Variants in TAFA1 observed in about 807,000 individuals in gnomAD.
The protein encoded by TAFA1 is chemokine-like protein TAFA-1.
A neutral mutation model predicts 18.5 loss-of-function variants in TAFA1; 4 were observed. That is an observed-to-expected ratio of 0.22 (90% CI 0.11 to 0.49). The LOEUF (loss-of-function observed/expected upper bound fraction) is 0.49, where lower values mean the gene tolerates loss of function less well. Ranked by LOEUF, TAFA1 falls within the 20% of genes least tolerant of loss-of-function variation. The pLI, the probability that TAFA1 is intolerant of heterozygous loss-of-function variation, is 0.98. For synonymous variants in TAFA1, 56 were observed against 55.2 expected (o/e 1.01, Z -0.06); for missense variants, 147 against 169.0 (o/e 0.87, Z 0.72).
chr3:68,503,553 C>T (rs1450604694), intron 3 of TAFA1, among the ~76,000 whole-genome samples: 1 of 152,046 alleles, frequency 6.6e-6, no homozygotes, highest in African/African-American at 2.4e-5. Flanking sequence ...ATGCTTAATT[C>T]GAAGAGGGTT....
intron 3 of TAFA1, among the ~76,000 whole-genome samples, chr3:68,517,375 T>C (rs1180028990): frequency 1.3e-5 from 2 of 152,204 alleles, no homozygotes; most frequent in African/African-American, 4.8e-5. Flanking sequence ...TTCCTAAAAG[T>C]GACACCCTTT....
At chr3:68,185,749 A>G (rs1033040478) in intron 2 of TAFA1, among the ~76,000 whole-genome samples, 17 of 151,838 alleles carry the variant, frequency 1.1e-4, no homozygotes, top group African/African-American at 3.6e-4. Flanking sequence ...ATCTCTACAG[A>G]AAAAATACAA....
At chr3:68,523,413 G>T (rs1375498052) in intron 3 of TAFA1, among the ~76,000 whole-genome samples, 1 of 152,166 alleles carries the variant, frequency 6.6e-6, no homozygotes, top group Admixed American at 6.5e-5. Context: ...GCCAACTTTT[G>T]ACCTTTGTGT....
intron 2 of TAFA1, among the ~76,000 whole-genome samples, chr3:68,309,270 T>C (rs2068475306): frequency 6.6e-6 from 1 of 152,126 alleles, no homozygotes; most frequent in South Asian, 2.1e-4. Flanking sequence ...CAATAATGAA[T>C]TATAAAATAC....
At chr3:68,156,004 C>A (rs928707266) in intron 2 of TAFA1, among the ~76,000 whole-genome samples, 3 of 152,068 alleles carry the variant, frequency 2.0e-5, no homozygotes, top group Non-Finnish European at 4.4e-5. Flanking sequence ...TTTTTTTCCC[C>A]CTTCAAGTAC....
At chr3:68,448,645 G>A (rs991988136) in intron 3 of TAFA1, among the ~76,000 whole-genome samples, 2 of 151,916 alleles carry the variant, frequency 1.3e-5, no homozygotes, top group Non-Finnish European at 2.9e-5. Context: ...AGACCCTGTG[G>A]GTCTATCCAC....
intron 3 of TAFA1, among the ~76,000 whole-genome samples, chr3:68,528,488 C>G (rs2073139658): frequency 6.6e-6 from 1 of 152,126 alleles, no homozygotes; most frequent in Non-Finnish European, 1.5e-5. Context: ...TTATCCAATG[C>G]CTTTAATTTC....
At chr3:68,302,321 A>T (rs1172799189) in intron 2 of TAFA1, among the ~76,000 whole-genome samples, 2 of 152,166 alleles carry the variant, frequency 1.3e-5, no homozygotes, top group Non-Finnish European at 2.9e-5. Context: ...TTTACTGACC[A>T]TCTCTTATGT....
At chr3:68,016,463 G>T (rs1390288568) in intron 2 of TAFA1, among the ~76,000 whole-genome samples, 1 of 152,082 alleles carries the variant, frequency 6.6e-6, no homozygotes, top group Admixed American at 6.6e-5. Context: ...TCATCACTTA[G>T]GTACTAGAGT....
At chr3:68,026,994 T>A (rs960198935) in intron 2 of TAFA1, among the ~76,000 whole-genome samples, 47 of 152,060 alleles carry the variant, frequency 3.1e-4, no homozygotes, top group African/African-American at 1.1e-3. Context: ...TTCACATGGC[T>A]GGAGTAGGAG....
chr3:68,517,414 G>A (rs2072939719), intron 3 of TAFA1, among the ~76,000 whole-genome samples: 1 of 152,140 alleles, frequency 6.6e-6, no homozygotes, highest in African/African-American at 2.4e-5. Context: ...AGCTCTTTTA[G>A]TCATGGCCTT....
intron 2 of TAFA1, among the ~76,000 whole-genome samples, chr3:68,125,004 ACT>A (rs1194446354): frequency 6.6e-6 from 1 of 152,098 alleles, no homozygotes; most frequent in East Asian, 1.9e-4. Context: ...GTTGACTGAG[ACT>A]CTTGTAATAC....
At chr3:68,016,201 A>C (rs1704566860) in intron 2 of TAFA1, among the ~76,000 whole-genome samples, 1 of 152,216 alleles carries the variant, frequency 6.6e-6, no homozygotes, top group African/African-American at 2.4e-5. Flanking sequence ...CTAGACTTTA[A>C]GACATTGCTT....
chr3:68,321,205 C>A (rs1160109806), intron 2 of TAFA1, among the ~76,000 whole-genome samples: 1 of 152,138 alleles, frequency 6.6e-6, no homozygotes, highest in East Asian at 1.9e-4. Context: ...TATACAAAAG[C>A]AATGAGAGCA....
chr3:68,279,425 A>G (rs1181975520), intron 2 of TAFA1, among the ~76,000 whole-genome samples: 1 of 152,120 alleles, frequency 6.6e-6, no homozygotes, highest in African/African-American at 2.4e-5. Flanking sequence ...TATTAATCTT[A>G]TCAAGATAAA....
At chr3:68,076,154 A>C (rs1435147330) in intron 2 of TAFA1, among the ~76,000 whole-genome samples, 2 of 152,166 alleles carry the variant, frequency 1.3e-5, no homozygotes, top group Non-Finnish European at 2.9e-5. Context: ...AAAGGCAAAG[A>C]CCTGAACCCA....
chr3:68,164,387 G>A (rs1424912614), intron 2 of TAFA1, among the ~76,000 whole-genome samples: 2 of 152,198 alleles, frequency 1.3e-5, no homozygotes, highest in Non-Finnish European at 2.9e-5. Flanking sequence ...GCTATCACCT[G>A]AAATACTGAC....
chr3:68,045,084 T>C lies in TAFA1; in HGVS notation c.118+38340T>C, dbSNP rs185775108. 9.3e-4 allele frequency among the ~76,000 whole-genome samples: 142 copies of C among 152,222 alleles called. 1 individual carries two copies. The highest frequency in any genetic ancestry group is 3.1e-3 in the African/African-American group (128 of 41,518). On this transcript the variant is annotated intron_variant, in intron 2 of 4. Transcript: ENST00000478136. ...CAACTAGGAGTGTGCTGATCTTGGC[T>C]GGGAGTTTCTGCTCTGAGTCGTGGG...
At chr3:68,478,638 A>T (rs1391439719) in intron 3 of TAFA1, among the ~76,000 whole-genome samples, 1 of 152,182 alleles carries the variant, frequency 6.6e-6, no homozygotes. Context: ...CTAAGACATT[A>T]TTGCAAGTGG....
Sources: allele counts gnomAD v4.1 joint callset (sites outside exome capture counted in the v4.1 genomes callset), GRCh38; gene constraint gnomAD v4.1.1; transcripts MANE v1.5; gene names NCBI Gene and HGNC (gene_info 2026-07-23, HGNC 2026-07-21).